Variants in DCDC1 observed in about 807,000 individuals in gnomAD.
DCDC1 encodes the protein doublecortin domain containing 1.
In DCDC1, 200 loss-of-function variants were observed where a neutral mutation model predicts 178.3. The ratio of observed to expected loss-of-function variants is 1.12; its 90% CI spans 1.00 to 1.26. The LOEUF (loss-of-function observed/expected upper bound fraction) is 1.26. Ranked by LOEUF, DCDC1 falls within the 50% of genes most tolerant of loss-of-function variation. The pLI, the probability that DCDC1 is intolerant of heterozygous loss-of-function variation, is 0.00. For missense variants in DCDC1, 1,983 were observed against 1,749.2 expected, an observed-to-expected ratio of 1.13 and a Z score of -2.38; for synonymous variants, 690 against 604.8, an observed-to-expected ratio of 1.14 and a Z score of -2.07.
chr11:30,984,349 G>A (rs1027578826), intron 20 of DCDC1, among the ~76,000 whole-genome samples: 1 of 152,108 alleles, frequency 6.6e-6, no homozygotes, highest in African/African-American at 2.4e-5. Flanking sequence ...AAGAAATCTT[G>A]TCTGTATTCT....
chr11:31,196,220 A>C (rs1382342531), intron 9 of DCDC1, among the ~76,000 whole-genome samples: 1 of 151,922 alleles, frequency 6.6e-6, no homozygotes, highest in African/African-American at 2.4e-5. Flanking sequence ...AAAGGGAAAA[A>C]ACACTATTTC....
intron 9 of DCDC1, among the ~76,000 whole-genome samples, chr11:31,160,625 C>G (rs1014829776): frequency 6.6e-6 from 1 of 152,048 alleles, no homozygotes; most frequent in Admixed American, 6.6e-5. Flanking sequence ...GTTCCAAACT[C>G]CCCAAGAGAA....
At chr11:31,307,976 T>C (rs1948563545) in intron 3 of DCDC1, 68 bp from the exon 4 acceptor site, 5 of 1,580,614 alleles carry the variant, frequency 3.2e-6, no homozygotes, top group South Asian at 2.3e-5. Context: ...AAATACCATA[T>C]AATAACGAGT....
intron 1 of DCDC1, among the ~76,000 whole-genome samples, chr11:31,366,659 G>A (rs1032559599): frequency 6.6e-6 from 1 of 152,106 alleles, no homozygotes; most frequent in African/African-American, 2.4e-5. Flanking sequence ...AAAACACCAG[G>A]AGTTCCATCT....
intron 1 of DCDC1, among the ~76,000 whole-genome samples, chr11:31,356,663 G>A: frequency 6.7e-6 from 1 of 149,704 alleles, no homozygotes; most frequent in African/African-American, 2.5e-5. Context: ...TTTTTTGAAA[G>A]GATCAACAAA....
At chr11:31,217,497 T>C (rs1343328283) in intron 9 of DCDC1, among the ~76,000 whole-genome samples, 1 of 152,150 alleles carries the variant, frequency 6.6e-6, no homozygotes, top group African/African-American at 2.4e-5. Flanking sequence ...GTCCATATTA[T>C]CCATCTATAA....
rs767518094 is a variant in DCDC1, at chr11:30,917,073, G to A, written c.3294-45C>T. ...AACATAAGTCTAAGAAATCTCATTC[G>A]TGTTCACAGAATTTTTTTCTGAGGT... On this transcript the variant is annotated intron_variant, in intron 25 of 38. Transcript: ENST00000684477. 8.5e-6 allele frequency: 13 copies of A among 1,536,542 alleles called. No homozygotes were observed. The Admixed American group carries it at 8.5e-5, about 10-fold the overall frequency.
At chr11:31,344,534 G>A (rs1315169684) in intron 1 of DCDC1, among the ~76,000 whole-genome samples, 2 of 152,158 alleles carry the variant, frequency 1.3e-5, no homozygotes, top group Admixed American at 1.3e-4. Flanking sequence ...TAACATCTTT[G>A]TGCTTCAGTT....
At chr11:31,264,584 T>G (rs1945014985) in intron 8 of DCDC1, among the ~76,000 whole-genome samples, 1 of 152,192 alleles carries the variant, frequency 6.6e-6, no homozygotes, top group Admixed American at 6.5e-5. Context: ...GTACCTCAGT[T>G]ACTGCAATAA....
rs574343477 is a variant in DCDC1, at chr11:30,922,713, CAATT to C, written c.2998-79_2998-76del. 1,317 of 1,361,342 alleles carry C rather than the reference CAATT, an allele frequency of 9.7e-4. 5 individuals carry two copies. The highest frequency in any genetic ancestry group is 7.0e-3 in the Middle Eastern group (37 of 5,254). The allele number at this position is 1,361,342 out of a possible 1,614,324, so 84.3% of individuals were successfully genotyped here. Reference sequence around the variant, plus strand: ...TATCTGTAATAATCTAAACTGGAAACAATTAAAAAAATCAAAATGTCCTATTAAT... The same window carrying C: ...TATCTGTAATAATCTAAACTGGAAACAAAAAAATCAAAATGTCCTATTAAT... On this transcript the variant is annotated intron_variant, in intron 23 of 38. Transcript: ENST00000684477.
chr11:30,925,885 T>A (rs1472053127), intron 22 of DCDC1, among the ~76,000 whole-genome samples: 1 of 152,088 alleles, frequency 6.6e-6, no homozygotes, highest in Non-Finnish European at 1.5e-5. Flanking sequence ...GTTCCTCAGC[T>A]CCCTCCACCA....
At chr11:31,247,414 A>T (rs1474943624) in intron 8 of DCDC1, among the ~76,000 whole-genome samples, 2 of 151,680 alleles carry the variant, frequency 1.3e-5, no homozygotes, top group Non-Finnish European at 2.9e-5. Context: ...GATCATTTGT[A>T]ACTATATCTA....
intron 9 of DCDC1, among the ~76,000 whole-genome samples, chr11:31,187,096 C>G (rs944230003): frequency 6.6e-6 from 1 of 152,192 alleles, no homozygotes; most frequent in Non-Finnish European, 1.5e-5. Flanking sequence ...CCTAAACCCC[C>G]ACTTCAACAT....
chr11:31,175,264 C>T (rs1033656284), intron 9 of DCDC1, among the ~76,000 whole-genome samples: 1 of 152,200 alleles, frequency 6.6e-6, no homozygotes, highest in Non-Finnish European at 1.5e-5. Context: ...CCTGGAGCCA[C>T]CCACCCAGCC....
At chr11:31,105,051 C>T (rs1036871381) in intron 13 of DCDC1, among the ~76,000 whole-genome samples, 3 of 151,964 alleles carry the variant, frequency 2.0e-5, no homozygotes, top group African/African-American at 4.8e-5. Flanking sequence ...AAAATGAAAA[C>T]GATTTACTTA....
chr11:31,291,567 C>A (rs1465290540), intron 6 of DCDC1, among the ~76,000 whole-genome samples: 3 of 152,022 alleles, frequency 2.0e-5, no homozygotes. Flanking sequence ...AAGAGGAGTG[C>A]AGTATATTGC....
chr11:31,113,776 C>T (rs1959392987), intron 11 of DCDC1, among the ~76,000 whole-genome samples: 1 of 152,056 alleles, frequency 6.6e-6, no homozygotes, highest in African/African-American at 2.4e-5. Flanking sequence ...TTATCTCTAG[C>T]ATGGTTAATA....
At chr11:31,044,919 G>T (rs766059005) in intron 20 of DCDC1, among the ~76,000 whole-genome samples, 1 of 152,130 alleles carries the variant, frequency 6.6e-6, no homozygotes, top group African/African-American at 2.4e-5. Flanking sequence ...AATACCATGT[G>T]GTGCTGATGT....
At chr11:31,338,789 G>A (rs555793376) in intron 1 of DCDC1, among the ~76,000 whole-genome samples, 1 of 152,262 alleles carries the variant, frequency 6.6e-6, no homozygotes, top group East Asian at 1.9e-4. Context: ...CTGTGACTTT[G>A]GGAATGGAAG....
Sources: allele counts gnomAD v4.1 joint callset (sites outside exome capture counted in the v4.1 genomes callset), GRCh38; gene constraint gnomAD v4.1.1; transcripts MANE v1.5; gene names NCBI Gene and HGNC (gene_info 2026-07-23, HGNC 2026-07-21).